Variants in RAF1 observed in about 807,000 individuals in gnomAD.
The protein encoded by RAF1 is Raf-1 proto-oncogene, serine/threonine kinase.
A neutral mutation model predicts 81.1 loss-of-function variants in RAF1; 27 were observed. The observed-to-expected ratio is 0.33, with a 90% CI of 0.25 to 0.46. The LOEUF (loss-of-function observed/expected upper bound fraction) is 0.46. RAF1 is among the 20% of genes least tolerant of loss of function. The pLI is 1.00. For synonymous variants in RAF1, 298 were observed against 294.0 expected (o/e 1.01, Z -0.14); for missense variants, 598 against 826.0 (o/e 0.72, Z 3.38).
At chr3:12,657,924 A>AC (rs1406516242) in intron 1 of RAF1, among the ~76,000 whole-genome samples, 1 of 151,974 alleles carries the variant, frequency 6.6e-6, no homozygotes, top group African/African-American at 2.4e-5. Context: ...ACCATTCCCT[A>AC]CATCCCTCAG....
chr3:12,617,883 AAAAAAAAAAGAAAAG>A (rs2059424547), intron 2 of RAF1, among the ~76,000 whole-genome samples: 1 of 147,476 alleles, frequency 6.8e-6, no homozygotes, highest in Non-Finnish European at 1.5e-5. Context: ...CGTCTCAAAA[AAAAAAAAAAGAAAAG>A]AAAAAGAAAA....
chr3:12,622,722 T>C (rs911604939), intron 1 of RAF1, among the ~76,000 whole-genome samples: 1 of 152,174 alleles, frequency 6.6e-6, no homozygotes, highest in African/African-American at 2.4e-5. Context: ...TTGCTCAGTA[T>C]CTGGAATACA....
chr3:12,649,754 C>T (rs905330267), intron 1 of RAF1, among the ~76,000 whole-genome samples: 4 of 152,116 alleles, frequency 2.6e-5, no homozygotes, highest in African/African-American at 7.2e-5. Context: ...AATCTCAACA[C>T]TTTGGGAGGC....
chr3:12,657,547 A>G (rs2060735268), intron 1 of RAF1, among the ~76,000 whole-genome samples: 1 of 152,132 alleles, frequency 6.6e-6, no homozygotes, highest in Non-Finnish European at 1.5e-5. Context: ...CGAGGTGGGC[A>G]GATTACCTGA....
chr3:12,585,501 A>G (rs1344220698), intron 15 of RAF1, 180 bp downstream of exon 14: 1 of 932,052 alleles, frequency 1.1e-6, no homozygotes, highest in Non-Finnish European at 1.3e-6. Context: ...ACTAAGCTTC[A>G]CAGTGGTTCT....
intron 15 of RAF1, 132 bp downstream of exon 14, chr3:12,585,549 G>A: frequency 7.4e-7 from 1 of 1,358,504 alleles, no homozygotes; most frequent in Non-Finnish European, 1.0e-6. Context: ...CAATTGCCCT[G>A]AGGCTGGCTG....
chr3:12,590,708 A>T, intron 13 of RAF1, 90 bp downstream of exon 12: 1 of 1,397,610 alleles, frequency 7.2e-7, no homozygotes, highest in Non-Finnish European at 1.0e-6. Flanking sequence ...GAATCGCTTA[A>T]TGGACTAGAA....
intron 1 of RAF1, among the ~76,000 whole-genome samples, chr3:12,653,957 G>A (rs762076201): frequency 2.6e-5 from 4 of 151,786 alleles, no homozygotes; most frequent in South Asian, 2.1e-4. Context: ...TGCGACTGCC[G>A]GCCATTTCAG....
At chr3:12,609,177 T>G (rs1445973194) in intron 4 of RAF1, 56 bp downstream of exon 4, 1 of 1,338,448 alleles carries the variant, frequency 7.5e-7, no homozygotes. Context: ...GAGAAATCTC[T>G]GTTATGCCTG....
intron 13 of RAF1, 78 bp from the exon 13 acceptor site, chr3:12,587,715 G>A: frequency 3.2e-6 from 4 of 1,237,492 alleles, no homozygotes; most frequent in Non-Finnish European, 3.6e-6. Context: ...CAGCTAAGAA[G>A]TAAAGCCACT....
At position 12,591,096 on chromosome 3, in the gene RAF1, C is replaced by T. The variant is rs936640540; in HGVS notation, c.1254-122G>A. On this transcript the variant is annotated intron_variant, in intron 12 of 17. Transcript: ENST00000442415. ...CCACCCCCAGTCCCAACACCACCCC[C>T]AGTCCCAAAAACAAACACATGGCAC... 2.4e-5 allele frequency: 22 copies of T among 909,882 alleles called. No homozygotes were observed. The African/African-American group carries it at 3.2e-4, about 13-fold the overall frequency. 56.4% of individuals were successfully genotyped at this position (909,882 alleles called of 1,614,324 possible).
At chr3:12,636,827 A>G (rs952071300) in intron 1 of RAF1, among the ~76,000 whole-genome samples, 1 of 152,070 alleles carries the variant, frequency 6.6e-6, no homozygotes, top group Non-Finnish European at 1.5e-5. Context: ...GAAAGAAAGA[A>G]AAAATATTTG....
chr3:12,603,293 A>C (rs1325947612), intron 8 of RAF1, among the ~76,000 whole-genome samples: 1 of 152,114 alleles, frequency 6.6e-6, no homozygotes, highest in Non-Finnish European at 1.5e-5. Context: ...CATTTTTTTT[A>C]CTTCTATATA....
chr3:12,658,639 C>T (rs2060776065), intron 1 of RAF1, among the ~76,000 whole-genome samples: 2 of 152,076 alleles, frequency 1.3e-5, no homozygotes, highest in South Asian at 4.1e-4. Context: ...AAATTGACTG[C>T]CACTGCCTGC....
At chr3:12,651,733 G>A (rs1020447032) in intron 1 of RAF1, among the ~76,000 whole-genome samples, 1 of 151,732 alleles carries the variant, frequency 6.6e-6, no homozygotes, top group African/African-American at 2.4e-5. Context: ...ATATGAGCTG[G>A]GCACGATGGC....
chr3:12,663,291 C>A (rs1019231169), intron 1 of RAF1, among the ~76,000 whole-genome samples: 1 of 152,124 alleles, frequency 6.6e-6, no homozygotes, highest in African/African-American at 2.4e-5. Flanking sequence ...GTCCTGATAC[C>A]CAAGGCTAGT....
At chr3:12,592,248 G>A (rs1290091568) in intron 11 of RAF1, among the ~76,000 whole-genome samples, 2 of 152,152 alleles carry the variant, frequency 1.3e-5, no homozygotes, top group Non-Finnish European at 2.9e-5. Flanking sequence ...TGAATGGCCT[G>A]GCAAATACAG....
At chr3:12,637,978 G>A (rs1301491805) in intron 1 of RAF1, among the ~76,000 whole-genome samples, 2 of 152,010 alleles carry the variant, frequency 1.3e-5, no homozygotes, top group African/African-American at 2.4e-5. Flanking sequence ...GGCCTGGCCC[G>A]TTACCCATCA....
At chr3:12,633,213 C>T (rs949964576) in intron 1 of RAF1, among the ~76,000 whole-genome samples, 10 of 151,900 alleles carry the variant, frequency 6.6e-5, no homozygotes, top group African/African-American at 2.4e-4. Context: ...GAAAAAAACC[C>T]ACAATGGCCT....
Sources: allele counts gnomAD v4.1 joint callset (sites outside exome capture counted in the v4.1 genomes callset), GRCh38; gene constraint gnomAD v4.1.1; transcripts MANE v1.5; gene names NCBI Gene and HGNC (gene_info 2026-07-23, HGNC 2026-07-21).